VPS13B: variants seen among roughly 807,000 people sequenced by gnomAD.
VPS13B encodes vacuolar protein sorting 13 homolog B.
In VPS13B, 285 loss-of-function variants were observed where a neutral mutation model predicts 426.4. The observed-to-expected ratio is 0.67, with a 90% confidence interval of 0.61 to 0.74. The LOEUF (loss-of-function observed/expected upper bound fraction) is 0.74, where lower values mean the gene tolerates loss of function less well. Ranked by LOEUF, VPS13B falls within the 30% of genes least tolerant of loss-of-function variation. The pLI is 0.00. For missense variants in VPS13B, 4,537 were observed against 4,782.6 expected, an observed-to-expected ratio of 0.95 and a Z score of 1.51; for synonymous variants, 1,676 against 1,676.4, an observed-to-expected ratio of 1.00 and a Z score of 0.01.
At chr8:99,446,389 C>T (rs576829541) in intron 23 of VPS13B, among the ~76,000 whole-genome samples, 1 of 151,946 alleles carries the variant, frequency 6.6e-6, no homozygotes, top group Non-Finnish European at 1.5e-5. Context: ...AGTCGTTTGT[C>T]CTTTTCCTCT....
At chr8:99,260,979 T>G (rs1818010904) in intron 17 of VPS13B, among the ~76,000 whole-genome samples, 1 of 151,970 alleles carries the variant, frequency 6.6e-6, no homozygotes, top group Non-Finnish European at 1.5e-5. Flanking sequence ...AAGAGCAGTT[T>G]TAGGTTCACA....
intron 36 of VPS13B, among the ~76,000 whole-genome samples, chr8:99,716,701 C>G (rs1470987858): frequency 6.6e-6 from 1 of 152,062 alleles, no homozygotes; most frequent in Non-Finnish European, 1.5e-5. Context: ...TTAGAAAACA[C>G]ACGTTATATA....
intron 43 of VPS13B, among the ~76,000 whole-genome samples, chr8:99,789,715 T>C (rs1196602558): frequency 6.6e-6 from 1 of 152,142 alleles, no homozygotes. Flanking sequence ...ATCTTATAGA[T>C]ATTTTATGGG....
intron 33 of VPS13B, among the ~76,000 whole-genome samples, chr8:99,592,353 C>G (rs988276763): frequency 1.3e-5 from 2 of 152,010 alleles, no homozygotes; most frequent in African/African-American, 4.8e-5. Context: ...CTGCTTTGTT[C>G]CATTGCTGGT....
chr8:99,278,320 G>A (rs918751646), intron 19 of VPS13B, among the ~76,000 whole-genome samples: 75 of 152,294 alleles, frequency 4.9e-4, no homozygotes, highest in Non-Finnish European at 8.1e-4. Flanking sequence ...CCTTTTGACT[G>A]TGATTTGAGA....
intron 30 of VPS13B, among the ~76,000 whole-genome samples, chr8:99,527,229 A>C (rs1385620212): frequency 6.6e-6 from 1 of 152,038 alleles, no homozygotes; most frequent in Non-Finnish European, 1.5e-5. Flanking sequence ...TAACTTTTGG[A>C]ATCTGTGACT....
At chr8:99,604,408 C>G (rs1827470713) in intron 33 of VPS13B, among the ~76,000 whole-genome samples, 1 of 151,862 alleles carries the variant, frequency 6.6e-6, no homozygotes. Flanking sequence ...TTTTTCTGTT[C>G]CAGGATCATC....
At chr8:99,711,581 G>GA (rs1192802124) in intron 36 of VPS13B, among the ~76,000 whole-genome samples, 7 of 151,324 alleles carry the variant, frequency 4.6e-5, no homozygotes, top group Non-Finnish European at 1.0e-4. Flanking sequence ...AAAAGAGACT[G>GA]AAAAAAAAGT....
intron 17 of VPS13B, among the ~76,000 whole-genome samples, chr8:99,199,423 G>A (rs192783617): frequency 5.9e-4 from 89 of 151,684 alleles, no homozygotes; most frequent in African/African-American, 2.1e-3. Flanking sequence ...CGTCTGCCTC[G>A]GCCTCCCAAA....
At chr8:99,026,871 TTTA>T (rs1842164076) in intron 2 of VPS13B, among the ~76,000 whole-genome samples, 8 of 152,170 alleles carry the variant, frequency 5.3e-5, no homozygotes, top group Admixed American at 5.2e-4. Flanking sequence ...TCTTGTTTTA[TTTA>T]TTTTTTTTTT....
chr8:99,442,606 T>C lies in VPS13B; in HGVS notation c.3416T>C (p.Phe1139Ser), dbSNP rs1462520877. The C allele has an allele frequency of 6.2e-7, 1 of 1,613,842 alleles. No homozygotes were observed. The highest frequency in any genetic ancestry group is 1.3e-5 in the African/African-American group (1 of 74,910). The stretch of plus-strand genomic sequence containing the variant: ...ATGGAACCTCTGCAGGAGATTCCAT[T>C]TGTTATCCCACGACCCATCCTTGAA... The part of the protein sequence containing the change: ...KYMEPLQEIP[F>S]VIPRPILEEG... Residue 1139 changes from phenylalanine to serine, a missense_variant, in exon 23 of 62, where the codon TTT (phenylalanine) becomes TCT (serine). Phe to Ser is a radical substitution (Grantham distance 155). Around this residue, in one of 2 missense-constraint regions of VPS13B, gnomAD observed 4,311 missense variants for 4,474.3 expected, o/e 0.96. Transcript: ENST00000357162.
At chr8:99,181,875 A>G (rs1048716020) in intron 16 of VPS13B, among the ~76,000 whole-genome samples, 3 of 152,170 alleles carry the variant, frequency 2.0e-5, no homozygotes, top group Admixed American at 1.3e-4. Context: ...ACTGAGTAAA[A>G]AGATGCACAA....
intron 44 of VPS13B, 135 bp from the exon 45 acceptor site, chr8:99,817,402 CCTT>C: frequency 8.6e-7 from 1 of 1,166,294 alleles, no homozygotes; most frequent in Non-Finnish European, 1.2e-6. Context: ...AGTCTTTTTT[CCTT>C]CTTGTACTGT....
At chr8:99,481,480 G>A in intron 24 of VPS13B, 119 bp from the exon 25 acceptor site, 1 of 1,122,524 alleles carries the variant, frequency 8.9e-7, no homozygotes, top group Non-Finnish European at 1.3e-6. Context: ...TGCATTGGTA[G>A]AGTTTGTTTT....
intron 8 of VPS13B, among the ~76,000 whole-genome samples, chr8:99,132,393 C>T (rs1346037897): frequency 6.6e-6 from 1 of 152,164 alleles, no homozygotes. Context: ...TCAGGTTCCA[C>T]TTCTAAATCT....
intron 58 of VPS13B, among the ~76,000 whole-genome samples, chr8:99,866,017 G>C (rs926218364): frequency 6.6e-6 from 1 of 152,198 alleles, no homozygotes; most frequent in Non-Finnish European, 1.5e-5. Flanking sequence ...AATAGCTCCT[G>C]TGTCCTGCGG....
chr8:99,379,296 T>C (rs1463595947), intron 19 of VPS13B, among the ~76,000 whole-genome samples: 1 of 152,180 alleles, frequency 6.6e-6, no homozygotes, highest in Non-Finnish European at 1.5e-5. Context: ...CTAAGGCTCA[T>C]CTATCTCTCT....
chr8:99,558,941 G>A (rs944004119), intron 31 of VPS13B, among the ~76,000 whole-genome samples: 3 of 152,178 alleles, frequency 2.0e-5, no homozygotes, highest in African/African-American at 7.2e-5. Flanking sequence ...GGGATGGCTG[G>A]ATCAAATGGT....
At chr8:99,157,206 A>T (rs976792168) in intron 15 of VPS13B, among the ~76,000 whole-genome samples, 2 of 151,350 alleles carry the variant, frequency 1.3e-5, no homozygotes, top group East Asian at 3.9e-4. Context: ...AAATACAGGC[A>T]TATGCCATTT....
Sources: allele counts gnomAD v4.1 joint callset (sites outside exome capture counted in the v4.1 genomes callset), GRCh38; gene constraint gnomAD v4.1.1; regional missense constraint gnomAD v4.1.1; transcripts MANE v1.5; gene names NCBI Gene and HGNC (gene_info 2026-07-23, HGNC 2026-07-21).